Variants in ARHGAP42 observed in about 807,000 individuals in gnomAD.
ARHGAP42 encodes rho GTPase-activating protein 42.
In ARHGAP42, 63 loss-of-function variants were observed where a neutral mutation model predicts 125.0. The ratio of observed to expected loss-of-function variants is 0.50; its 90% confidence interval spans 0.41 to 0.62. The LOEUF (loss-of-function observed/expected upper bound fraction) is 0.62, where lower values mean the gene tolerates loss of function less well. Among genes scored for constraint, ARHGAP42 ranks in the 20% least tolerant of loss-of-function variants. ARHGAP42 has a pLI of 0.00. For synonymous variants in ARHGAP42, 339 were observed against 351.0 expected (o/e 0.97, Z 0.38); for missense variants, 766 against 1,024.2 (o/e 0.75, Z 3.44).
At chr11:100,776,981 CAAAAAA>C (rs71053146) in intron 2 of ARHGAP42, among the ~76,000 whole-genome samples, 5 of 108,894 alleles carry the variant, frequency 4.6e-5, no homozygotes, top group Admixed American at 9.8e-5. Context: ...AACACTGTCT[CAAAAAA>C]AAAAAAAAAA....
At chr11:100,948,383 T>G (rs2135281511) in intron 10 of ARHGAP42, 74 bp from the exon 11 acceptor site, 2 of 1,110,968 alleles carry the variant, frequency 1.8e-6, no homozygotes, top group Admixed American at 2.9e-5. Context: ...TTCTTCAAAT[T>G]TTATCTTTTT....
At chr11:100,692,099 C>T (rs978869867) in intron 1 of ARHGAP42, among the ~76,000 whole-genome samples, 4 of 152,218 alleles carry the variant, frequency 2.6e-5, no homozygotes, top group Admixed American at 6.5e-5. Context: ...CCCTAGCCTG[C>T]AGCATCTTGG....
intron 3 of ARHGAP42, among the ~76,000 whole-genome samples, chr11:100,830,755 A>G (rs1429510123): frequency 1.3e-5 from 2 of 152,172 alleles, no homozygotes; most frequent in Admixed American, 1.3e-4. Context: ...AATATCATAG[A>G]GTGAGCCGTC....
At chr11:100,716,864 AAAT>A (rs1378061734) in intron 1 of ARHGAP42, among the ~76,000 whole-genome samples, 1 of 152,192 alleles carries the variant, frequency 6.6e-6, no homozygotes, top group Non-Finnish European at 1.5e-5. Flanking sequence ...GAGCAAAAAT[AAAT>A]AATAAATAAG....
At chr11:100,891,643 A>G (rs957122757) in intron 4 of ARHGAP42, among the ~76,000 whole-genome samples, 1 of 152,088 alleles carries the variant, frequency 6.6e-6, no homozygotes, top group Non-Finnish European at 1.5e-5. Flanking sequence ...GGGTTTCACC[A>G]TGTTAGCCAA....
chr11:100,692,119 C>A (rs1161728655), intron 1 of ARHGAP42, among the ~76,000 whole-genome samples: 1 of 152,188 alleles, frequency 6.6e-6, no homozygotes, highest in African/African-American at 2.4e-5. Context: ...GCTATCCTTT[C>A]TTCCTTATTT....
chr11:100,760,727 C>T (rs990914968), intron 1 of ARHGAP42, among the ~76,000 whole-genome samples: 7 of 151,436 alleles, frequency 4.6e-5, no homozygotes, highest in Non-Finnish European at 8.8e-5. Context: ...GGAAATTAAA[C>T]TAGTAATGAT....
intron 1 of ARHGAP42, among the ~76,000 whole-genome samples, chr11:100,712,384 C>A (rs751125651): frequency 6.6e-6 from 1 of 151,804 alleles, no homozygotes; most frequent in Admixed American, 6.6e-5. Flanking sequence ...AAGAGAAAAG[C>A]GAAGTACAGA....
intron 3 of ARHGAP42, among the ~76,000 whole-genome samples, chr11:100,847,707 GC>G (rs1865103660): frequency 6.6e-6 from 1 of 152,132 alleles, no homozygotes; most frequent in African/African-American, 2.4e-5. Flanking sequence ...TGAAGGAGAG[GC>G]CTTGGTCTAG....
intron 1 of ARHGAP42, among the ~76,000 whole-genome samples, chr11:100,699,287 C>A (rs769706900): frequency 1.5e-4 from 22 of 151,686 alleles, no homozygotes; most frequent in Non-Finnish European, 3.1e-4. Context: ...TAACCTCATG[C>A]ATCTGGTAAA....
At chr11:100,911,328 TG>T (rs917120084) in intron 4 of ARHGAP42, among the ~76,000 whole-genome samples, 2 of 152,124 alleles carry the variant, frequency 1.3e-5, no homozygotes, top group Non-Finnish European at 2.9e-5. Context: ...TTAAGGTAGA[TG>T]GGGGTGTATA....
chr11:100,942,989 A>T (rs899395189), intron 9 of ARHGAP42, among the ~76,000 whole-genome samples: 4 of 152,078 alleles, frequency 2.6e-5, no homozygotes, highest in Non-Finnish European at 4.4e-5. Context: ...AATTAACCAT[A>T]CATTCTGTAA....
At chr11:100,972,289 A>G (rs1858268669) in intron 17 of ARHGAP42, among the ~76,000 whole-genome samples, 1 of 152,252 alleles carries the variant, frequency 6.6e-6, no homozygotes, top group Admixed American at 6.5e-5. Flanking sequence ...AAACTAAAAG[A>G]TAAGTCAAAC....
At chr11:100,801,146 G>A (rs1181233870) in intron 3 of ARHGAP42, among the ~76,000 whole-genome samples, 1 of 152,132 alleles carries the variant, frequency 6.6e-6, no homozygotes, top group African/African-American at 2.4e-5. Flanking sequence ...CCGGATTTTA[G>A]ATTTTCAGAT....
intron 1 of ARHGAP42, among the ~76,000 whole-genome samples, chr11:100,704,556 G>T (rs925666029): frequency 1.3e-5 from 2 of 152,152 alleles, no homozygotes; most frequent in East Asian, 1.9e-4. Flanking sequence ...TTAGAAATCT[G>T]TGAGTATTCA....
intron 4 of ARHGAP42, among the ~76,000 whole-genome samples, chr11:100,870,316 A>G (rs1565251111): frequency 1.3e-5 from 2 of 152,142 alleles, no homozygotes; most frequent in Non-Finnish European, 2.9e-5. Context: ...ATAGGACACA[A>G]TTTCCCTGTG....
At chr11:100,850,306 A>T (rs1190740897) in intron 3 of ARHGAP42, among the ~76,000 whole-genome samples, 1 of 152,224 alleles carries the variant, frequency 6.6e-6, no homozygotes, top group Non-Finnish European at 1.5e-5. Flanking sequence ...CTCCTAGGCT[A>T]CAGATCTATA....
chr11:100,727,322 A>G (rs1052953423), intron 1 of ARHGAP42, among the ~76,000 whole-genome samples: 1 of 152,214 alleles, frequency 6.6e-6, no homozygotes, highest in Non-Finnish European at 1.5e-5. Context: ...TTGTAATTTC[A>G]TGGGCAGTAA....
Position 100,973,352 on chromosome 11 carries a change from G to T in ARHGAP42, c.1710+18G>T. The T allele has an allele frequency of 5.2e-6, 8 of 1,547,828 alleles. No individual in the cohort carries two copies. The highest frequency in any genetic ancestry group is 7.0e-6 in the Non-Finnish European group (8 of 1,145,694). Reference sequence around the variant, plus strand: ...ATGAAAAGGTAGGCGGAATTTTCATGTGGAAGTGTCAAGTTTTATATCTTG... The same window carrying T: ...ATGAAAAGGTAGGCGGAATTTTCATTTGGAAGTGTCAAGTTTTATATCTTG... On this transcript the variant is annotated intron_variant, in intron 18 of 23. Coordinates refer to ENST00000298815, the MANE Select transcript of ARHGAP42 (RefSeq NM_152432.4).
Sources: allele counts gnomAD v4.1 joint callset (sites outside exome capture counted in the v4.1 genomes callset), GRCh38; gene constraint gnomAD v4.1.1; transcripts MANE v1.5; gene names NCBI Gene and HGNC (gene_info 2026-07-23, HGNC 2026-07-21).